Variants in PREX1 observed in about 807,000 individuals in gnomAD.
PREX1 encodes phosphatidylinositol-3,4,5-trisphosphate dependent Rac exchange factor 1.
PREX1 carries 41 observed loss-of-function variants against 198.3 expected under a neutral mutation model. That is an observed-to-expected ratio of 0.21 (90% CI 0.16 to 0.27). The LOEUF is 0.27. Ranked by LOEUF, PREX1 falls within the 10% of genes least tolerant of loss-of-function variation. The probability of loss-of-function intolerance (pLI) is 1.00; values close to 1 mark genes in which losing one functional copy is unlikely to be tolerated. For missense variants in PREX1, 1,620 were observed against 2,200.7 expected (o/e 0.74, Z 5.28); for synonymous variants, 843 against 887.2 (o/e 0.95, Z 0.89).
At position 48,649,286 on chromosome 20, in the gene PREX1, C is replaced by A. The variant is rs766203027; in HGVS notation, c.3305+14G>T. On this transcript the variant is annotated intron_variant, in intron 25 of 39. Transcript: ENST00000371941. ...TGCCCCTGCTCACGCCGGACACCCC[C>A]GGCCAGCGCTCACCTGTTGATCTGG... 3.7e-6 allele frequency: 6 copies of A among 1,606,974 alleles called. No individual in the cohort carries two copies. The Admixed American group carries it at 1.0e-4, about 27-fold the overall frequency.
intron 33 of PREX1, among the ~76,000 whole-genome samples, chr20:48,634,362 G>GT (rs2089344572): frequency 6.6e-6 from 1 of 152,178 alleles, no homozygotes; most frequent in South Asian, 2.1e-4. Context: ...ACTTATTTAA[G>GT]CCCTTTAAAA....
chr20:48,812,242 A>G (rs2090439452), intron 1 of PREX1, among the ~76,000 whole-genome samples: 1 of 152,186 alleles, frequency 6.6e-6, no homozygotes, highest in Admixed American at 6.5e-5. Context: ...GCCCCAATAT[A>G]AGAGGAATGG....
rs548433520 is a variant in PREX1, at chr20:48,653,758, C to T, written c.2210-261G>A. Among the ~76,000 whole-genome samples, 17 of 152,332 alleles carry T rather than the reference C, an allele frequency of 1.1e-4. No homozygotes were observed. The South Asian group carries it at 2.1e-3, about 19-fold the overall frequency. On this transcript the variant is annotated intron_variant, in intron 19 of 39. Transcript: ENST00000371941. ...AGGCAAACGGGATCCGATTCAGGCC[C>T]GTTTCACTCTAGAACCTCGTCTCCT...
chr20:48,644,413 C>A lies in PREX1; in HGVS notation c.3597G>T (p.Gly1199=). The change falls in exon 27 of 40, where the codon GGG becomes GGT. Residue 1199 remains glycine, a synonymous_variant. Transcript: ENST00000371941. ...NSSYLGSDEM[G]SGDELPCDMR... ...GGCCGCTGCCACTCCACTCACCAGA[C>A]CCCATCTCGTCGCTGCCCAAGTAGG... 1.2e-6 allele frequency: 2 copies of A among 1,613,390 alleles called. No individual in the cohort carries two copies. Among genetic ancestry groups the A allele is most frequent in the Non-Finnish European group, 1.7e-6 (2 of 1,179,468 alleles).
At chr20:48,809,969 C>A (rs1169719017) in intron 1 of PREX1, among the ~76,000 whole-genome samples, 1 of 152,190 alleles carries the variant, frequency 6.6e-6, no homozygotes, top group East Asian at 1.9e-4. Context: ...CACCTTCTCC[C>A]CTTTTCATCT....
chr20:48,718,021 G>A (rs1022609234), intron 5 of PREX1, among the ~76,000 whole-genome samples: 1 of 152,230 alleles, frequency 6.6e-6, no homozygotes, highest in African/African-American at 2.4e-5. Flanking sequence ...GCTGAGCAGT[G>A]GCTGTTCCTT....
chr20:48,672,951 C>T (rs1172923336), intron 14 of PREX1, among the ~76,000 whole-genome samples: 1 of 152,140 alleles, frequency 6.6e-6, no homozygotes, highest in African/African-American at 2.4e-5. Flanking sequence ...AGAACAGGAG[C>T]TTTTGTCTGT....
the PREX1 span, among the ~76,000 whole-genome samples, chr20:48,850,543 G>A: frequency 2.0e-5 from 3 of 152,120 alleles, no homozygotes; most frequent in African/African-American, 7.2e-5. Context: ...AGTCTTCCAG[G>A]AGCTGCCAAC....
At chr20:48,818,017 C>T (rs937705109) in intron 1 of PREX1, among the ~76,000 whole-genome samples, 3 of 151,992 alleles carry the variant, frequency 2.0e-5, no homozygotes, top group Non-Finnish European at 4.4e-5. Context: ...TGGGGATGTG[C>T]GGTGTCAGAA....
intron 15 of PREX1, among the ~76,000 whole-genome samples, chr20:48,661,541 G>GTGTC: frequency 8.2e-6 from 1 of 122,566 alleles, no homozygotes; most frequent in Non-Finnish European, 1.6e-5. Flanking sequence ...GTGTGTGTGT[G>GTGTC]TGTATATATA....
intron 16 of PREX1, among the ~76,000 whole-genome samples, chr20:48,659,287 A>G (rs913008293): frequency 2.8e-5 from 4 of 145,366 alleles, no homozygotes; most frequent in African/African-American, 1.0e-4. Context: ...AGAGAGAAAG[A>G]AGAAAAGAAA....
intron 1 of PREX1, among the ~76,000 whole-genome samples, chr20:48,775,708 T>C (rs1207822122): frequency 6.6e-6 from 1 of 152,176 alleles, no homozygotes; most frequent in Non-Finnish European, 1.5e-5. Context: ...AGAGATCAGA[T>C]GGCTTTATAA....
At chr20:48,663,039 G>T (rs1396207182) in intron 15 of PREX1, among the ~76,000 whole-genome samples, 1 of 152,196 alleles carries the variant, frequency 6.6e-6, no homozygotes, top group Non-Finnish European at 1.5e-5. Flanking sequence ...GGACTTTGGT[G>T]AGATGAGGTA....
At chr20:48,808,799 C>A (rs1313623436) in intron 1 of PREX1, among the ~76,000 whole-genome samples, 1 of 152,214 alleles carries the variant, frequency 6.6e-6, no homozygotes, top group Non-Finnish European at 1.5e-5. Flanking sequence ...CCGTGTGGAT[C>A]CTAAAACAGG....
intron 29 of PREX1, among the ~76,000 whole-genome samples, chr20:48,641,399 G>A (rs1402671603): frequency 2.0e-5 from 3 of 152,070 alleles, no homozygotes; most frequent in Admixed American, 1.3e-4. Context: ...TATATAGGGA[G>A]TTCAATAAGG....
intron 1 of PREX1, among the ~76,000 whole-genome samples, chr20:48,776,610 A>G (rs2090263472): frequency 6.6e-6 from 1 of 152,162 alleles, no homozygotes; most frequent in South Asian, 2.1e-4. Context: ...ATTCCAGAAC[A>G]CTGCTTGTAG....
chr20:48,705,775 C>T (rs749927109), intron 6 of PREX1, among the ~76,000 whole-genome samples: 4 of 152,198 alleles, frequency 2.6e-5, no homozygotes, highest in Non-Finnish European at 2.9e-5. Context: ...TTTCAAAGGA[C>T]ATTCATATTC....
Position 48,655,375 on chromosome 20 carries a change from C to T in PREX1, c.2124G>A (p.Glu708=). 2 of 1,564,800 alleles carry T rather than the reference C, an allele frequency of 1.3e-6. No homozygotes were observed. The highest frequency in any genetic ancestry group is 1.7e-6 in the Non-Finnish European group (2 of 1,150,258). Residue 708 remains glutamate, a splice_region_variant and synonymous_variant, in exon 19 of 40, where the codon GAG becomes GAA. Transcript: ENST00000371941. ...LRLLVATKAK[E]IIKIPDQPDT... ...CCGGCTGGTCGGGGATTTTGATGAT[C>T]CTGCACCAGGTAGAAGAGGCAGGGA...
chr20:48,696,977 TACAC>T (rs11467059), intron 7 of PREX1, among the ~76,000 whole-genome samples: 2,010 of 148,684 alleles, frequency 0.014, 47 homozygotes, highest in African/African-American at 0.045. Flanking sequence ...TAAATCTCTT[TACAC>T]ACACACACAC....
Sources: gnomAD v4.1 joint callset for allele counts (sites outside exome capture counted in the v4.1 genomes callset) on GRCh38, gnomAD v4.1.1 for gene constraint, MANE v1.5 for transcripts, NCBI Gene and HGNC (gene_info 2026-07-23, HGNC 2026-07-21) for gene names.